LRP1B: variants seen among roughly 807,000 people sequenced by gnomAD.
LRP1B encodes the protein low-density lipoprotein receptor-related protein 1B.
In LRP1B, 217 loss-of-function variants were observed where a neutral mutation model predicts 556.6. The ratio of observed to expected loss-of-function variants is 0.39; its 90% confidence interval spans 0.35 to 0.44. The LOEUF (loss-of-function observed/expected upper bound fraction) is 0.44, where lower values mean the gene tolerates loss of function less well. LRP1B is among the 20% of genes least tolerant of loss of function. The probability of loss-of-function intolerance (pLI) is 1.00; values close to 1 mark genes in which losing one functional copy is unlikely to be tolerated. For missense variants in LRP1B, 5,053 were observed against 5,620.8 expected (o/e 0.90, Z 3.23); for synonymous variants, 2,047 against 1,865.8 (o/e 1.10, Z -2.50).
At chr2:140,976,514 T>C (rs1465246600) in intron 18 of LRP1B, among the ~76,000 whole-genome samples, 3 of 141,816 alleles carry the variant, frequency 2.1e-5, no homozygotes, top group African/African-American at 7.9e-5. Flanking sequence ...TTTTTTTTTT[T>C]TTTTTTTTTT....
chr2:140,613,045 A>T (rs1162594972), intron 41 of LRP1B, among the ~76,000 whole-genome samples: 2 of 149,010 alleles, frequency 1.3e-5, no homozygotes, highest in African/African-American at 5.0e-5. Flanking sequence ...TCATGATTAC[A>T]TATGTTTTTG....
chr2:141,423,193 A>G (rs1361102012), intron 3 of LRP1B, among the ~76,000 whole-genome samples: 1 of 151,464 alleles, frequency 6.6e-6, no homozygotes, highest in African/African-American at 2.4e-5. Flanking sequence ...GTAGTTCACT[A>G]TGCACATGTA....
intron 43 of LRP1B, among the ~76,000 whole-genome samples, chr2:140,559,458 T>C (rs1230484868): frequency 6.6e-6 from 1 of 152,022 alleles, no homozygotes; most frequent in Non-Finnish European, 1.5e-5. Context: ...TTCTGTATAC[T>C]AGGAAGGAAA....
intron 51 of LRP1B, among the ~76,000 whole-genome samples, chr2:140,513,061 C>A (rs888214287): frequency 6.6e-6 from 1 of 151,808 alleles, no homozygotes; most frequent in South Asian, 2.1e-4. Flanking sequence ...GACAATACTT[C>A]GACAAAGAAA....
At chr2:140,239,391 C>T (rs765742268) in intron 88 of LRP1B, 51 bp downstream of exon 88, 1 of 1,130,238 alleles carries the variant, frequency 8.8e-7, no homozygotes, top group East Asian at 2.5e-5. Context: ...GTTTCTGCAC[C>T]TAGTTGTGTG....
chr2:141,874,900 C>T (rs928657104), intron 1 of LRP1B, among the ~76,000 whole-genome samples: 1 of 151,828 alleles, frequency 6.6e-6, no homozygotes, highest in African/African-American at 2.4e-5. Flanking sequence ...TTTAACTGTG[C>T]ACCTTTGCTC....
intron 66 of LRP1B, among the ~76,000 whole-genome samples, chr2:140,416,668 G>T (rs181190662): frequency 1.3e-5 from 2 of 151,914 alleles, no homozygotes; most frequent in Non-Finnish European, 2.9e-5. Context: ...AAAAAAACCT[G>T]TCAGTGAGTG....
intron 6 of LRP1B, among the ~76,000 whole-genome samples, chr2:141,227,294 T>A (rs1683286978): frequency 6.6e-6 from 1 of 152,210 alleles, no homozygotes; most frequent in Non-Finnish European, 1.5e-5. Flanking sequence ...ACTTAGTGAA[T>A]ATTTTAGCTA....
rs2105134617 is a variant in LRP1B, at chr2:140,357,978, C to T, written c.11395+1G>A. The T allele has an allele frequency of 1.9e-6, 3 of 1,608,418 alleles. No homozygotes were observed. Among genetic ancestry groups the T allele is most frequent in the Non-Finnish European group, 2.6e-6 (3 of 1,176,160 alleles). On this transcript the variant is annotated splice_donor_variant, in intron 74 of 90. Transcript: ENST00000389484. LOFTEE classifies it high-confidence loss of function. ...CTTTGCTTAACAGAAAACAAGCTCA[C>T]CTATTCTGCATCCTTGCTCATCTGA...
chr2:141,568,785 G>T (rs1381799941), intron 2 of LRP1B, among the ~76,000 whole-genome samples: 1 of 151,046 alleles, frequency 6.6e-6, no homozygotes, highest in East Asian at 1.9e-4. Flanking sequence ...ATGGAGTCTT[G>T]CCCTGTCACC....
At chr2:141,284,777 TTAAG>T (rs1474411345) in intron 3 of LRP1B, among the ~76,000 whole-genome samples, 1 of 152,230 alleles carries the variant, frequency 6.6e-6, no homozygotes, top group African/African-American at 2.4e-5. Context: ...AAATGATTGA[TTAAG>T]TGTTTATTTC....
rs1338122078 is a variant in LRP1B at position 140,457,582 on chromosome 2, C to T, written c.9695G>A (p.Gly3232Glu). The change falls in exon 61 of 91, where the codon GGG becomes GAG. Residue 3232 changes from glycine (G) to glutamate (E), a missense_variant. This residue lies in a region of LRP1B where 262 missense variants were observed against 395.1 expected (regional missense o/e 0.66). Transcript: ENST00000389484. The stretch of plus-strand genomic sequence containing the variant: ...GGCACGGCTGAGTGACTTGGTTTTC[C>T]CATCAGTCCAGTAGATGTAGTCTTC... ...LFEDYIYWTD[G>E]KTKSLSRAHK... 1 of 1,613,780 alleles carries T rather than the reference C, an allele frequency of 6.2e-7. No individual in the cohort carries two copies. The highest frequency in any genetic ancestry group is 8.5e-7 in the Non-Finnish European group (1 of 1,179,776).
intron 2 of LRP1B, among the ~76,000 whole-genome samples, chr2:141,677,716 T>G (rs1053676643): frequency 2.6e-5 from 4 of 152,186 alleles, no homozygotes. Context: ...CTCAAACTCC[T>G]GACCTCGGGT....
At chr2:141,597,129 T>G (rs1320309149) in intron 2 of LRP1B, among the ~76,000 whole-genome samples, 1 of 151,864 alleles carries the variant, frequency 6.6e-6, no homozygotes, top group Admixed American at 6.6e-5. Context: ...GTAGAAACTT[T>G]AGTTGACCCA....
In LRP1B at chr2:140,265,563, G is replaced by A. The variant is rs530877242; in HGVS notation, c.13247+4679C>T. Among the ~76,000 whole-genome samples the A allele has an allele frequency of 2.6e-5, 4 of 151,970 alleles. No individual in the cohort carries two copies. The South Asian group carries it at 8.3e-4, about 31-fold the overall frequency. On this transcript the variant is annotated intron_variant, in intron 86 of 90. Coordinates refer to ENST00000389484, the MANE Select transcript of LRP1B (RefSeq NM_018557.3). ...CCTTCATAGATCTGGATACTATATA[G>A]ATAGTCCAAAAGTGCATAAGTTTTG...
intron 25 of LRP1B, among the ~76,000 whole-genome samples, chr2:140,882,076 T>C (rs10496858): frequency 0.37 from 56,249 of 152,058 alleles, 11,042 homozygotes; most frequent in African/African-American, 0.51. Flanking sequence ...GAATTATTCA[T>C]GTTTTTCTTC....
chr2:142,035,547 C>G (rs1353466158), intron 1 of LRP1B, among the ~76,000 whole-genome samples: 1 of 151,584 alleles, frequency 6.6e-6, no homozygotes, highest in African/African-American at 2.4e-5. Context: ...GCATGGCCTT[C>G]CTTTATAAGT....
chr2:140,291,461 T>TC (rs1363911572), intron 84 of LRP1B, among the ~76,000 whole-genome samples: 2 of 150,812 alleles, frequency 1.3e-5, no homozygotes, highest in African/African-American at 4.9e-5. Flanking sequence ...CCCTCCTCAC[T>TC]CCCCCCACCC....
intron 3 of LRP1B, among the ~76,000 whole-genome samples, chr2:141,337,784 TTC>T (rs1687901270): frequency 6.6e-6 from 1 of 152,184 alleles, no homozygotes; most frequent in African/African-American, 2.4e-5. Context: ...GTTTCTAGCT[TTC>T]TATTCACTTC....
Sources: allele counts gnomAD v4.1 joint callset (sites outside exome capture counted in the v4.1 genomes callset), GRCh38; gene constraint gnomAD v4.1.1; regional missense constraint gnomAD v4.1.1; transcripts MANE v1.5; gene names NCBI Gene and HGNC (gene_info 2026-07-23, HGNC 2026-07-21).